AFG1L: variants seen among roughly 807,000 people sequenced by gnomAD.
The protein encoded by AFG1L is AFG1 like ATPase.
AFG1L carries 53 observed loss-of-function variants against 62.2 expected under a neutral mutation model. The ratio of observed to expected loss-of-function variants is 0.85; its 90% confidence interval spans 0.68 to 1.07. The LOEUF (loss-of-function observed/expected upper bound fraction) is 1.07. Ranked by LOEUF, AFG1L falls within the 50% of genes least tolerant of loss-of-function variation. The pLI is 0.00. For synonymous variants in AFG1L, 228 were observed against 210.3 expected (o/e 1.08, Z -0.73); for missense variants, 555 against 590.5 (o/e 0.94, Z 0.62).
intron 8 of AFG1L, among the ~76,000 whole-genome samples, chr6:108,460,281 GA>G (rs1191976628): frequency 6.6e-6 from 1 of 152,078 alleles, no homozygotes; most frequent in Non-Finnish European, 1.5e-5. Flanking sequence ...GATGGATAGG[GA>G]ACCTTTAGTT....
intron 5 of AFG1L, among the ~76,000 whole-genome samples, chr6:108,364,104 AG>A (rs1490935442): frequency 2.0e-5 from 3 of 152,202 alleles, no homozygotes; most frequent in Non-Finnish European, 2.9e-5. Flanking sequence ...GGTAATCTGT[AG>A]CCTTCTCTTT....
intron 7 of AFG1L, among the ~76,000 whole-genome samples, chr6:108,425,979 G>A (rs1770797280): frequency 6.6e-6 from 1 of 152,074 alleles, no homozygotes; most frequent in Admixed American, 6.6e-5. Flanking sequence ...GTACTAATAA[G>A]CAGTGAAATG....
At chr6:108,384,091 T>A (rs1169068360) in intron 6 of AFG1L, among the ~76,000 whole-genome samples, 4 of 148,620 alleles carry the variant, frequency 2.7e-5, no homozygotes, top group Admixed American at 2.0e-4. Context: ...GGCTGGCAGA[T>A]TCTTGAGGAA....
chr6:108,355,353 AAG>A (rs1293607503), intron 3 of AFG1L, among the ~76,000 whole-genome samples: 4 of 152,218 alleles, frequency 2.6e-5, no homozygotes, highest in African/African-American at 9.6e-5. Context: ...TGTCTTTTGG[AAG>A]AGAAGACTGT....
At chr6:108,309,313 C>T (rs1003623132) in intron 1 of AFG1L, among the ~76,000 whole-genome samples, 8 of 152,022 alleles carry the variant, frequency 5.3e-5, no homozygotes, top group African/African-American at 1.7e-4. Context: ...ATCAAGTGAC[C>T]GTGTATGTGT....
chr6:108,341,379 G>A (rs910232714), intron 2 of AFG1L, among the ~76,000 whole-genome samples: 1 of 152,196 alleles, frequency 6.6e-6, no homozygotes, highest in African/African-American at 2.4e-5. Context: ...TGAGAGGGAT[G>A]TGTCAAAGGG....
chr6:108,450,385 C>T (rs1429002160), intron 8 of AFG1L, among the ~76,000 whole-genome samples: 1 of 152,164 alleles, frequency 6.6e-6, no homozygotes, highest in South Asian at 2.1e-4. Flanking sequence ...TGTCTGTTGG[C>T]TGCATAAATG....
chr6:108,322,534 T>C (rs933668128), intron 1 of AFG1L, among the ~76,000 whole-genome samples: 3 of 152,216 alleles, frequency 2.0e-5, no homozygotes, highest in African/African-American at 7.2e-5. Flanking sequence ...ATGTAATATG[T>C]GTCTGGGCAG....
chr6:108,344,515 G>A lies in AFG1L; in HGVS notation c.364-2473G>A, dbSNP rs183013179. On this transcript the variant is annotated intron_variant, in intron 2 of 12. Coordinates refer to ENST00000368977, the MANE Select transcript of AFG1L (RefSeq NM_145315.5). ...GCAAGAGGATTGCTTGAGTCCAGGA[G>A]TTCAAGGCTGTAGTATGCTATGATC... Among the ~76,000 whole-genome samples, 34 of 152,260 alleles carry A rather than the reference G, an allele frequency of 2.2e-4. No individual in the cohort carries two copies. In the East Asian group the frequency reaches 5.2e-3, roughly 23 times the overall value.
intron 3 of AFG1L, among the ~76,000 whole-genome samples, chr6:108,354,511 A>G (rs1158015577): frequency 6.6e-6 from 1 of 151,836 alleles, no homozygotes; most frequent in Non-Finnish European, 1.5e-5. Context: ...TGCCATGTTG[A>G]CCAGGCCTGT....
chr6:108,344,633 C>T (rs1778798310), intron 2 of AFG1L: 1 of 453,760 alleles, frequency 2.2e-6, no homozygotes, highest in Admixed American at 2.5e-5. Context: ...GGATGAGACC[C>T]TGAAAGCTAG....
At chr6:108,353,959 T>TAAG (rs953620934) in intron 3 of AFG1L, among the ~76,000 whole-genome samples, 6 of 152,210 alleles carry the variant, frequency 3.9e-5, no homozygotes, top group African/African-American at 1.4e-4. Context: ...ACCCAAAAGA[T>TAAG]AAGACTTAGA....
intron 8 of AFG1L, among the ~76,000 whole-genome samples, chr6:108,476,296 C>CT (rs1773101750): frequency 1.3e-5 from 2 of 152,148 alleles, no homozygotes; most frequent in Non-Finnish European, 2.9e-5. Context: ...AACAAGGAGA[C>CT]TTTTGAGAGA....
chr6:108,491,828 T>C (rs1323796067), intron 10 of AFG1L, among the ~76,000 whole-genome samples: 1 of 152,212 alleles, frequency 6.6e-6, no homozygotes, highest in Non-Finnish European at 1.5e-5. Flanking sequence ...AGTATTTCCA[T>C]GATTTGGAAA....
intron 10 of AFG1L, among the ~76,000 whole-genome samples, chr6:108,507,022 T>C (rs1774446716): frequency 6.6e-6 from 1 of 152,218 alleles, no homozygotes; most frequent in African/African-American, 2.4e-5. Context: ...ATCTGATTTT[T>C]TGGGGGGAAA....
intron 1 of AFG1L, among the ~76,000 whole-genome samples, chr6:108,317,579 A>G (rs1320095633): frequency 2.0e-5 from 3 of 152,190 alleles, no homozygotes; most frequent in Non-Finnish European, 2.9e-5. Flanking sequence ...CTCTGGCCAC[A>G]TGACCCCTGA....
chr6:108,308,199 GAGTGC>G (rs1777277598), intron 1 of AFG1L, among the ~76,000 whole-genome samples: 1 of 152,064 alleles, frequency 6.6e-6, no homozygotes, highest in Non-Finnish European at 1.5e-5. Flanking sequence ...ATCAAGGCTG[GAGTGC>G]AGTGGTACAA....
At chr6:108,494,487 T>C (rs1349788143) in intron 10 of AFG1L, among the ~76,000 whole-genome samples, 1 of 151,942 alleles carries the variant, frequency 6.6e-6, no homozygotes, top group Non-Finnish European at 1.5e-5. Flanking sequence ...GATGAGAATT[T>C]AGCAAAAATC....
At chr6:108,469,088 T>G (rs1413055412) in intron 8 of AFG1L, among the ~76,000 whole-genome samples, 1 of 152,228 alleles carries the variant, frequency 6.6e-6, no homozygotes, top group Non-Finnish European at 1.5e-5. Flanking sequence ...AATAAGGCAT[T>G]AAAAAGCTAA....
Sources: gnomAD v4.1 joint callset for allele counts (sites outside exome capture counted in the v4.1 genomes callset) on GRCh38, gnomAD v4.1.1 for gene constraint, MANE v1.5 for transcripts, NCBI Gene and HGNC (gene_info 2026-07-23, HGNC 2026-07-21) for gene names.